CAMK2A: variants seen among roughly 807,000 people sequenced by gnomAD.
CAMK2A encodes the protein calcium/calmodulin-dependent protein kinase type II subunit alpha.
In CAMK2A, 7 loss-of-function variants were observed where a neutral mutation model predicts 79.2. The ratio of observed to expected loss-of-function variants is 0.09; its 90% confidence interval spans 0.05 to 0.17. The LOEUF is 0.17. Among genes scored for constraint, CAMK2A ranks in the 10% least tolerant of loss-of-function variants. The pLI, the probability that CAMK2A is intolerant of heterozygous loss-of-function variation, is 1.00. For missense variants in CAMK2A, 214 were observed against 646.4 expected, an observed-to-expected ratio of 0.33 and a Z score of 7.25; for synonymous variants, 242 against 251.7, an observed-to-expected ratio of 0.96 and a Z score of 0.36.
At chr5:150,268,081 G>T (rs929533236) in intron 2 of CAMK2A, among the ~76,000 whole-genome samples, 2 of 152,000 alleles carry the variant, frequency 1.3e-5, no homozygotes, top group Non-Finnish European at 2.9e-5. Context: ...CACCATGCTG[G>T]CCTGGTCAGG....
chr5:150,247,998 C>G lies in CAMK2A; in HGVS notation c.901-184G>C, dbSNP rs1269266588. Among the ~76,000 whole-genome samples, 4 of 152,304 alleles carry G rather than the reference C, an allele frequency of 2.6e-5. No homozygotes were observed. The South Asian group carries it at 8.3e-4, about 32-fold the overall frequency. ...ACCCCAGCCCAGAGCCCATCCCTCG[C>G]CCCCTGGAGAAGTCGGGGTGAGCTA... On this transcript the variant is annotated intron_variant, in intron 11 of 18. Transcript: ENST00000671881.
intron 10 of CAMK2A, 47 bp downstream of exon 10, chr5:150,250,641 G>A (rs748115604): frequency 1.7e-5 from 27 of 1,609,034 alleles, no homozygotes; most frequent in Non-Finnish European, 2.1e-5. Flanking sequence ...CCTGGATCAT[G>A]AGGTCTGGAG....
chr5:150,266,419 C>T (rs1756516079), intron 2 of CAMK2A, among the ~76,000 whole-genome samples: 1 of 152,184 alleles, frequency 6.6e-6, no homozygotes, highest in African/African-American at 2.4e-5. Context: ...GCTTTTTTCA[C>T]AATTTGGTAG....
At chr5:150,249,111 C>G (rs1355955906) in intron 11 of CAMK2A, among the ~76,000 whole-genome samples, 1 of 152,260 alleles carries the variant, frequency 6.6e-6, no homozygotes, top group Non-Finnish European at 1.5e-5. Context: ...TAAGCCTCCA[C>G]TCCAGGCCTG....
chr5:150,248,090 C>T (rs1233005038), intron 11 of CAMK2A, among the ~76,000 whole-genome samples: 1 of 152,110 alleles, frequency 6.6e-6, no homozygotes, highest in Non-Finnish European at 1.5e-5. Context: ...GCCCCTTGGC[C>T]CGCCCAAGCT....
In CAMK2A at chr5:150,223,225, A is replaced by G. The variant is rs561147282; in HGVS notation, c.1238-8T>C. On this transcript the variant is annotated splice_region_variant and splice_polypyrimidine_tract_variant and intron_variant, in intron 17 of 18. Transcript: ENST00000671881. This position sits in a 1 kb window ranked among gnomAD's most constrained non-coding sequence, Gnocchi z 4.1. Reference sequence around the variant, plus strand: ...TGCTGTTCCGGGACCACACTGGAGGAGGGGATGGGAGGGGCAGAGGAGATG... The same window carrying G: ...TGCTGTTCCGGGACCACACTGGAGGGGGGGATGGGAGGGGCAGAGGAGATG... 5.6e-6 allele frequency: 9 copies of G among 1,608,204 alleles called. No homozygotes were observed. Among genetic ancestry groups the G allele is most frequent in the Admixed American group, 1.7e-5 (1 of 59,974 alleles).
intron 1 of CAMK2A, among the ~76,000 whole-genome samples, chr5:150,273,546 G>C (rs1756836221): frequency 6.6e-6 from 1 of 152,196 alleles, no homozygotes; most frequent in South Asian, 2.1e-4. Flanking sequence ...TAAGGGTATA[G>C]GTAGTAAAAT....
At chr5:150,243,811 A>G (rs73796381) in intron 13 of CAMK2A, among the ~76,000 whole-genome samples, 3,779 of 152,310 alleles carry the variant, frequency 0.025, 170 homozygotes, top group African/African-American at 0.085. Context: ...GCGCAGGCTC[A>G]GGGAATATAA....
At chr5:150,275,525 C>T (rs762468344) in intron 1 of CAMK2A, among the ~76,000 whole-genome samples, 9 of 152,342 alleles carry the variant, frequency 5.9e-5, no homozygotes, top group Non-Finnish European at 8.8e-5. Flanking sequence ...AGATACCAAT[C>T]ACAAATAGTG....
At position 150,239,323 on chromosome 5, in the gene CAMK2A, C is replaced by A. The variant is rs2114041356; in HGVS notation, c.1017+381G>T. 3.3e-5 allele frequency among the ~76,000 whole-genome samples: 5 copies of A among 152,260 alleles called. No individual in the cohort carries two copies. The Middle Eastern group carries it at 0.014, about 414-fold the overall frequency. ...TCAAGAGGGGCCTCTGTGGCACCTA[C>A]TACTTTGGCCAAACCAAGCCCCACC... On this transcript the variant is annotated intron_variant, in intron 14 of 18. Coordinates refer to ENST00000671881, the MANE Select transcript of CAMK2A (RefSeq NM_015981.4).
At chr5:150,272,401 C>T (rs1282427187) in intron 2 of CAMK2A, among the ~76,000 whole-genome samples, 1 of 151,992 alleles carries the variant, frequency 6.6e-6, no homozygotes, top group South Asian at 2.1e-4. Flanking sequence ...CCCATCGCTA[C>T]TAAAAATACA....
At chr5:150,261,182 C>T (rs114155000) in intron 3 of CAMK2A, among the ~76,000 whole-genome samples, 4,178 of 134,830 alleles carry the variant, frequency 0.031, 203 homozygotes, top group African/African-American at 0.1. Context: ...TAAGAGGCTA[C>T]CCCTCTGAGC....
chr5:150,231,597 C>T (rs1278240009), intron 15 of CAMK2A, among the ~76,000 whole-genome samples: 1 of 131,934 alleles, frequency 7.6e-6, no homozygotes, highest in African/African-American at 2.6e-5. Context: ...ACAGAAGAAA[C>T]TGAGGCCCAG....
intron 2 of CAMK2A, among the ~76,000 whole-genome samples, chr5:150,268,307 C>T (rs1756600497): frequency 6.6e-6 from 1 of 152,182 alleles, no homozygotes; most frequent in Non-Finnish European, 1.5e-5. Flanking sequence ...GAAGCTCCAG[C>T]CACACTGGCC....
At chr5:150,231,115 G>A (rs746496678) in intron 16 of CAMK2A, among the ~76,000 whole-genome samples, 190 bp downstream of exon 16, 9 of 152,180 alleles carry the variant, frequency 5.9e-5, no homozygotes, top group Non-Finnish European at 1.0e-4. Flanking sequence ...ATATAGAGCA[G>A]TGTCGCGAAC....
chr5:150,247,767 C>T lies in CAMK2A; in HGVS notation c.943+5G>A. 6.2e-7 allele frequency: 1 copy of T among 1,610,262 alleles called. No individual in the cohort carries two copies. The highest frequency in any genetic ancestry group is 8.5e-7 in the Non-Finnish European group (1 of 1,178,572). ...TACTGGGGACCCTGAGGTCCTGCCACCTACCGGAGAAGTTCCTGGTGGCCA... is the reference window on the plus strand; with the variant it reads ...TACTGGGGACCCTGAGGTCCTGCCATCTACCGGAGAAGTTCCTGGTGGCCA... On this transcript the variant is annotated splice_donor_5th_base_variant and intron_variant, in intron 12 of 18. Coordinates refer to ENST00000671881, the MANE Select transcript of CAMK2A (RefSeq NM_015981.4).
At chr5:150,232,214 C>T (rs1754872650) in intron 15 of CAMK2A, among the ~76,000 whole-genome samples, 1 of 152,222 alleles carries the variant, frequency 6.6e-6, no homozygotes, top group Non-Finnish European at 1.5e-5. Context: ...TCCAGGTCCT[C>T]AAGCTGTGCA....
intron 7 of CAMK2A, 132 bp from the exon 8 acceptor site, chr5:150,252,197 T>C: frequency 1.4e-6 from 1 of 701,970 alleles, no homozygotes. Context: ...GCCCCTCAGG[T>C]GCACTTGGGC....
chr5:150,228,067 G>A (rs1223166327), intron 17 of CAMK2A, 125 bp downstream of exon 17: 11 of 714,244 alleles, frequency 1.5e-5, no homozygotes, highest in Non-Finnish European at 1.9e-5. Context: ...CAGTCCACAC[G>A]GGAGCTTCCT....
Sources: allele counts gnomAD v4.1 joint callset (sites outside exome capture counted in the v4.1 genomes callset), GRCh38; gene constraint gnomAD v4.1.1; non-coding constraint Gnocchi (gnomAD v3.1); transcripts MANE v1.5; gene names NCBI Gene and HGNC (gene_info 2026-07-23, HGNC 2026-07-21).